PDE1A: variants seen among roughly 807,000 people sequenced by gnomAD.
The protein encoded by PDE1A is phosphodiesterase 1A, also known as dual specificity calcium/calmodulin-dependent 3',5'-cyclic nucleotide phosphodiesterase 1A.
A neutral mutation model predicts 61.7 loss-of-function variants in PDE1A; 35 were observed. The observed-to-expected ratio is 0.57, with a 90% CI of 0.43 to 0.75. The LOEUF (loss-of-function observed/expected upper bound fraction) is 0.75. Among genes scored for constraint, PDE1A ranks in the 30% least tolerant of loss-of-function variants. PDE1A has a pLI of 0.00. For missense variants in PDE1A, 597 were observed against 630.6 expected, an observed-to-expected ratio of 0.95 and a Z score of 0.57; for synonymous variants, 232 against 213.2, an observed-to-expected ratio of 1.09 and a Z score of -0.77.
intron 1 of PDE1A, among the ~76,000 whole-genome samples, chr2:182,339,355 T>C (rs1269432745): frequency 6.6e-6 from 1 of 152,228 alleles, no homozygotes; most frequent in Admixed American, 6.5e-5. Context: ...CTCTTATCCA[T>C]GAATTTCCAT....
At chr2:182,178,480 T>G (rs951138949) in intron 13 of PDE1A, among the ~76,000 whole-genome samples, 1 of 152,108 alleles carries the variant, frequency 6.6e-6, no homozygotes, top group Non-Finnish European at 1.5e-5. Context: ...CTTAGACAGT[T>G]ATAGTCTGAG....
intron 1 of PDE1A, among the ~76,000 whole-genome samples, chr2:182,311,358 A>T (rs1348552317): frequency 2.6e-5 from 4 of 152,178 alleles, no homozygotes; most frequent in African/African-American, 9.6e-5. Context: ...AGGTTCATTG[A>T]TGTATAATTT....
intron 1 of PDE1A, among the ~76,000 whole-genome samples, chr2:182,284,234 A>G (rs886790029): frequency 6.6e-6 from 1 of 152,172 alleles, no homozygotes; most frequent in African/African-American, 2.4e-5. Context: ...GAAAGATTTC[A>G]AGAAATTGTC....
At chr2:182,180,240 C>T (rs1182056405) in intron 13 of PDE1A, among the ~76,000 whole-genome samples, 2 of 151,980 alleles carry the variant, frequency 1.3e-5, no homozygotes, top group African/African-American at 2.4e-5. Context: ...ATTATAGATA[C>T]ATATATAAAG....
chr2:182,443,721 G>A (rs1363764853), intron 2 of PDE1A, among the ~76,000 whole-genome samples: 1 of 135,124 alleles, frequency 7.4e-6, no homozygotes, highest in Admixed American at 7.6e-5. Context: ...TTTTTTTTTG[G>A]AGATAGAATT....
chr2:182,254,706 T>C (rs549528126), intron 2 of PDE1A, among the ~76,000 whole-genome samples: 5 of 151,622 alleles, frequency 3.3e-5, no homozygotes, highest in Non-Finnish European at 5.9e-5. Context: ...AAGAAAGGAG[T>C]TGCTGAACTG....
At chr2:182,157,889 G>A (rs749226636) in intron 13 of PDE1A, among the ~76,000 whole-genome samples, 5 of 152,176 alleles carry the variant, frequency 3.3e-5, no homozygotes, top group African/African-American at 4.8e-5. Context: ...AGGCTTTAGA[G>A]AGTTGGTAGT....
the PDE1A span, among the ~76,000 whole-genome samples, chr2:182,572,839 A>T: frequency 6.8e-6 from 1 of 146,968 alleles, no homozygotes; most frequent in African/African-American, 2.6e-5. Context: ...ACTGCACTCC[A>T]GTCTGGGCGA....
the PDE1A span, among the ~76,000 whole-genome samples, chr2:182,557,957 T>C: frequency 6.6e-6 from 1 of 152,126 alleles, no homozygotes; most frequent in Admixed American, 6.5e-5. Context: ...CACAAAACTT[T>C]AGGAACTTTT....
rs566199640 is a variant in PDE1A at position 182,288,674 on chromosome 2, A to T, written c.54-24260T>A. On this transcript the variant is annotated intron_variant, in intron 1 of 13. Transcript: ENST00000351439. ...GGGGGAAACTTGAACTCTTAAACAG[A>T]TCACCAATGTAGCATCCATGTCAGA... Among the ~76,000 whole-genome samples the T allele has an allele frequency of 2.0e-5, 3 of 152,158 alleles. No individual in the cohort carries two copies. The South Asian group carries it at 6.2e-4, about 32-fold the overall frequency.
At chr2:182,704,106 G>A in the PDE1A span, among the ~76,000 whole-genome samples, 1 of 150,982 alleles carries the variant, frequency 6.6e-6, no homozygotes, top group Non-Finnish European at 1.5e-5. Flanking sequence ...AGCTACTCAG[G>A]AGGCTGAGGC....
At chr2:182,206,826 A>T (rs1687144671) in intron 7 of PDE1A, among the ~76,000 whole-genome samples, 1 of 152,100 alleles carries the variant, frequency 6.6e-6, no homozygotes, top group African/African-American at 2.4e-5. Context: ...GTGGTTTAAA[A>T]GCCTGTAGCA....
At chr2:182,391,101 C>G (rs941623313) in intron 1 of PDE1A, among the ~76,000 whole-genome samples, 6 of 152,120 alleles carry the variant, frequency 3.9e-5, no homozygotes, top group African/African-American at 9.7e-5. Context: ...AAGCAGAAAT[C>G]TGGAGAACGG....
At chr2:182,190,427 T>C (rs1685591692) in intron 10 of PDE1A, among the ~76,000 whole-genome samples, 1 of 152,358 alleles carries the variant, frequency 6.6e-6, no homozygotes, top group African/African-American at 2.4e-5. Flanking sequence ...AGTCAGAAGA[T>C]ACAGTCAGCT....
At chr2:182,698,866 T>C in the PDE1A span, among the ~76,000 whole-genome samples, 1 of 152,208 alleles carries the variant, frequency 6.6e-6, no homozygotes, top group Non-Finnish European at 1.5e-5. Flanking sequence ...CTGTTCTTAA[T>C]GTTCTTTTCA....
At chr2:182,229,385 C>G (rs1389488926) in intron 6 of PDE1A, among the ~76,000 whole-genome samples, 3 of 152,068 alleles carry the variant, frequency 2.0e-5, no homozygotes, top group Admixed American at 6.6e-5. Flanking sequence ...TCACTTTTTA[C>G]CTTCTGGGAA....
intron 1 of PDE1A, among the ~76,000 whole-genome samples, chr2:182,419,133 CAAGTT>C (rs536071469): frequency 2.6e-4 from 40 of 151,386 alleles, no homozygotes; most frequent in African/African-American, 9.5e-4. Flanking sequence ...TATTTTCTAA[CAAGTT>C]AAGTTCAAAT....
At chr2:182,160,510 A>G (rs1691320670) in intron 13 of PDE1A, among the ~76,000 whole-genome samples, 1 of 151,988 alleles carries the variant, frequency 6.6e-6, no homozygotes, top group Non-Finnish European at 1.5e-5. Flanking sequence ...ACACCTTTTT[A>G]TCCTTTGCCC....
intron 2 of PDE1A, among the ~76,000 whole-genome samples, chr2:182,460,990 A>G (rs1686246205): frequency 6.6e-6 from 1 of 152,196 alleles, no homozygotes; most frequent in Non-Finnish European, 1.5e-5. Flanking sequence ...TGGTCAAATG[A>G]ACTAAGGAAA....
Sources: allele counts gnomAD v4.1 joint callset (sites outside exome capture counted in the v4.1 genomes callset), GRCh38; gene constraint gnomAD v4.1.1; transcripts MANE v1.5; gene names NCBI Gene and HGNC (gene_info 2026-07-23, HGNC 2026-07-21).